SNTG1: variants seen among roughly 807,000 people sequenced by gnomAD.
The protein encoded by SNTG1 is syntrophin gamma 1.
A neutral mutation model predicts 74.7 loss-of-function variants in SNTG1; 39 were observed. That is an observed-to-expected ratio of 0.52 (90% CI 0.40 to 0.68). The LOEUF (loss-of-function observed/expected upper bound fraction) is 0.68. SNTG1 is among the 30% of genes least tolerant of loss of function. The pLI, the probability that SNTG1 is intolerant of heterozygous loss-of-function variation, is 0.00. For missense variants in SNTG1, 685 were observed against 609.5 expected (o/e 1.12, Z -1.30); for synonymous variants, 254 against 217.1 (o/e 1.17, Z -1.49).
At chr8:49,958,109 G>A (rs1163960035) in intron 1 of SNTG1, among the ~76,000 whole-genome samples, 1 of 152,094 alleles carries the variant, frequency 6.6e-6, no homozygotes, top group African/African-American at 2.4e-5. Context: ...AATAAATGTG[G>A]AGACCACGAA....
At chr8:50,557,556 A>G (rs2094463583) in intron 12 of SNTG1, among the ~76,000 whole-genome samples, 1 of 152,166 alleles carries the variant, frequency 6.6e-6, no homozygotes, top group Non-Finnish European at 1.5e-5. Context: ...GGTGGCTGCC[A>G]GCATTCCCTG....
chr8:50,578,434 A>C (rs1463005621), intron 12 of SNTG1, among the ~76,000 whole-genome samples: 1 of 152,224 alleles, frequency 6.6e-6, no homozygotes, highest in East Asian at 1.9e-4. Flanking sequence ...AGAGAGAGAG[A>C]GAGACAGCAA....
chr8:50,143,538 T>C (rs1293449267), intron 1 of SNTG1, among the ~76,000 whole-genome samples: 3 of 152,194 alleles, frequency 2.0e-5, no homozygotes, highest in Non-Finnish European at 2.9e-5. Flanking sequence ...ACTTTTCAAG[T>C]GTCTATGGAT....
At chr8:49,965,007 G>A (rs796175705) in intron 1 of SNTG1, among the ~76,000 whole-genome samples, 2 of 152,220 alleles carry the variant, frequency 1.3e-5, no homozygotes, top group East Asian at 1.9e-4. Flanking sequence ...ATGGCATACC[G>A]AACAGGATAG....
At chr8:50,165,568 A>C (rs1314396907) in intron 1 of SNTG1, among the ~76,000 whole-genome samples, 1 of 152,192 alleles carries the variant, frequency 6.6e-6, no homozygotes, top group Non-Finnish European at 1.5e-5. Flanking sequence ...AATTAAATTT[A>C]CGTCATCTTC....
intron 2 of SNTG1, among the ~76,000 whole-genome samples, chr8:50,239,693 C>T (rs2086082474): frequency 1.3e-5 from 2 of 152,144 alleles, no homozygotes; most frequent in African/African-American, 4.8e-5. Flanking sequence ...TTCAGGCTTC[C>T]AAATCTTTTA....
intron 1 of SNTG1, among the ~76,000 whole-genome samples, chr8:50,001,845 A>T (rs879637441): frequency 2.0e-5 from 3 of 152,290 alleles, no homozygotes; most frequent in South Asian, 2.1e-4. Flanking sequence ...CACAAATATC[A>T]GTGTATTTGA....
intron 1 of SNTG1, among the ~76,000 whole-genome samples, chr8:50,027,562 G>A (rs2130727962): frequency 6.6e-6 from 1 of 152,324 alleles, no homozygotes; most frequent in South Asian, 2.1e-4. Context: ...GCAGAAACAG[G>A]AGTGATGCTG....
intron 13 of SNTG1, among the ~76,000 whole-genome samples, chr8:50,624,778 A>G (rs990924187): frequency 4.6e-5 from 7 of 152,060 alleles, no homozygotes; most frequent in African/African-American, 1.7e-4. Context: ...AGTTTTTTCT[A>G]TTTCTGAAAA....
intron 1 of SNTG1, among the ~76,000 whole-genome samples, chr8:49,922,474 C>T (rs959987996): frequency 6.6e-6 from 1 of 152,022 alleles, no homozygotes; most frequent in African/African-American, 2.4e-5. Context: ...CAGTTTAGAG[C>T]ATTAATGGGA....
At chr8:50,110,546 C>T (rs1045310364) in intron 1 of SNTG1, among the ~76,000 whole-genome samples, 17 of 152,168 alleles carry the variant, frequency 1.1e-4, no homozygotes, top group Non-Finnish European at 2.2e-4. Context: ...ACCCTGAACC[C>T]TCTTAGCACT....
intron 1 of SNTG1, among the ~76,000 whole-genome samples, chr8:50,146,341 A>C (rs1308206736): frequency 6.6e-6 from 1 of 152,052 alleles, no homozygotes; most frequent in African/African-American, 2.4e-5. Flanking sequence ...AACATGGTGA[A>C]ACCCCGTCTG....
intron 4 of SNTG1, among the ~76,000 whole-genome samples, chr8:50,406,585 G>T (rs1314832795): frequency 6.6e-6 from 1 of 152,014 alleles, no homozygotes; most frequent in Non-Finnish European, 1.5e-5. Context: ...AATAAAAGTG[G>T]TAAAAGCAGG....
chr8:50,468,904 C>T (rs1297794950), intron 8 of SNTG1, among the ~76,000 whole-genome samples: 1 of 152,164 alleles, frequency 6.6e-6, no homozygotes, highest in African/African-American at 2.4e-5. Context: ...TACCTTTTAA[C>T]AGAATGTTCC....
chr8:50,627,515 G>A (rs952994070), intron 13 of SNTG1, among the ~76,000 whole-genome samples: 1 of 152,132 alleles, frequency 6.6e-6, no homozygotes, highest in African/African-American at 2.4e-5. Flanking sequence ...CTTTAGAACT[G>A]TGAGGGATAA....
intron 18 of SNTG1, among the ~76,000 whole-genome samples, chr8:50,791,576 T>C (rs1465537031): frequency 6.6e-6 from 1 of 151,896 alleles, no homozygotes; most frequent in Non-Finnish European, 1.5e-5. Flanking sequence ...CAATGTGTCA[T>C]AAAGTATTGA....
chr8:50,046,570 A>T (rs564986873), intron 1 of SNTG1, among the ~76,000 whole-genome samples: 1 of 152,218 alleles, frequency 6.6e-6, no homozygotes, highest in Non-Finnish European at 1.5e-5. Flanking sequence ...ACCCCATTCT[A>T]GCGTGAATTT....
intron 1 of SNTG1, among the ~76,000 whole-genome samples, chr8:50,113,161 A>G (rs898217250): frequency 3.9e-5 from 6 of 151,982 alleles, no homozygotes; most frequent in Non-Finnish European, 7.4e-5. Context: ...CTTGATGGGG[A>G]TGGCATTGAA....
intron 2 of SNTG1, among the ~76,000 whole-genome samples, chr8:50,173,122 G>A (rs532200187): frequency 6.6e-6 from 1 of 152,240 alleles, no homozygotes; most frequent in African/African-American, 2.4e-5. Flanking sequence ...AAACTGTCAC[G>A]TTCTCTTTTG....
Sources: gnomAD v4.1 joint callset for allele counts (sites outside exome capture counted in the v4.1 genomes callset) on GRCh38, gnomAD v4.1.1 for gene constraint, MANE v1.5 for transcripts, NCBI Gene and HGNC (gene_info 2026-07-23, HGNC 2026-07-21) for gene names.